Variants in SLC30A9 observed in about 807,000 individuals in gnomAD.
The protein encoded by SLC30A9 is proton-coupled zinc antiporter SLC30A9, mitochondrial.
A neutral mutation model predicts 87.5 loss-of-function variants in SLC30A9; 58 were observed. The ratio of observed to expected loss-of-function variants is 0.66; its 90% CI spans 0.54 to 0.82. The LOEUF is 0.82. Among genes scored for constraint, SLC30A9 ranks in the 40% least tolerant of loss-of-function variants. The pLI is 0.00. For synonymous variants in SLC30A9, 234 were observed against 233.0 expected, an observed-to-expected ratio of 1.00 and a Z score of -0.04; for missense variants, 557 against 679.1, an observed-to-expected ratio of 0.82 and a Z score of 2.00.
chr4:42,035,454 A>T, intron 7 of SLC30A9, 121 bp downstream of exon 7: 1 of 1,080,536 alleles, frequency 9.3e-7, no homozygotes, highest in Non-Finnish European at 1.3e-6. Flanking sequence ...AGTACATTGT[A>T]GTTCACTGAA....
intron 1 of SLC30A9, among the ~76,000 whole-genome samples, chr4:41,991,507 C>T (rs1005892610): frequency 6.6e-6 from 1 of 152,210 alleles, no homozygotes; most frequent in Non-Finnish European, 1.5e-5. Context: ...TTTGCCGTAG[C>T]TTGACACACA....
intron 9 of SLC30A9, among the ~76,000 whole-genome samples, chr4:42,050,605 A>G (rs1220692595): frequency 6.6e-6 from 1 of 152,222 alleles, no homozygotes; most frequent in African/African-American, 2.4e-5. Flanking sequence ...TGGAATGATA[A>G]CCATGATAAA....
At chr4:42,012,238 A>T (rs1013800027) in intron 2 of SLC30A9, among the ~76,000 whole-genome samples, 1 of 152,178 alleles carries the variant, frequency 6.6e-6, no homozygotes, top group African/African-American at 2.4e-5. Context: ...AAATCAGAAT[A>T]CTATCAGCCT....
At position 41,998,490 on chromosome 4, in the gene SLC30A9, G is replaced by A. The variant is rs1232251258; in HGVS notation, c.110-3126G>A. 1.1e-4 allele frequency among the ~76,000 whole-genome samples: 16 copies of A among 150,962 alleles called. No individual in the cohort carries two copies. In the East Asian group the frequency reaches 3.1e-3, roughly 29 times the overall value. On this transcript the variant is annotated intron_variant, in intron 1 of 17. Coordinates refer to ENST00000264451, the MANE Select transcript of SLC30A9 (RefSeq NM_006345.4). Reference sequence around the variant, plus strand: ...TTTTTTTGTTTGTTTTTGAGATGGAGTTTTACACCGTCACCCTGGCTGGAA... The same window carrying A: ...TTTTTTTGTTTGTTTTTGAGATGGAATTTTACACCGTCACCCTGGCTGGAA...
intron 6 of SLC30A9, among the ~76,000 whole-genome samples, chr4:42,033,629 G>C (rs1279132399): frequency 6.6e-6 from 1 of 152,110 alleles, no homozygotes; most frequent in Non-Finnish European, 1.5e-5. Flanking sequence ...AGGCTGGAGT[G>C]CAGTGGCACG....
chr4:41,992,971 A>G (rs1408145518), intron 1 of SLC30A9, among the ~76,000 whole-genome samples: 1 of 152,086 alleles, frequency 6.6e-6, no homozygotes, highest in Non-Finnish European at 1.5e-5. Flanking sequence ...ATAAAGCATA[A>G]GGAGAGGAGG....
At chr4:42,048,145 G>T (rs1442343566) in intron 8 of SLC30A9, among the ~76,000 whole-genome samples, 1 of 152,104 alleles carries the variant, frequency 6.6e-6, no homozygotes, top group African/African-American at 2.4e-5. Flanking sequence ...GTTGATGGGT[G>T]CAGCAAACCA....
intron 2 of SLC30A9, among the ~76,000 whole-genome samples, chr4:42,010,607 A>G (rs554136422): frequency 6.6e-6 from 1 of 152,342 alleles, no homozygotes; most frequent in African/African-American, 2.4e-5. Flanking sequence ...TTTTATTTCA[A>G]ATAGGGCTTT....
chr4:42,002,565 A>G (rs561949954), intron 2 of SLC30A9, among the ~76,000 whole-genome samples: 2 of 152,144 alleles, frequency 1.3e-5, no homozygotes, highest in East Asian at 3.9e-4. Context: ...GCTTAGGATA[A>G]TGGCCTCTAG....
At chr4:41,996,206 C>T (rs964032369) in intron 1 of SLC30A9, among the ~76,000 whole-genome samples, 1 of 152,010 alleles carries the variant, frequency 6.6e-6, no homozygotes, top group African/African-American at 2.4e-5. Flanking sequence ...AGCAATTCTC[C>T]TGCCTCAGCC....
intron 2 of SLC30A9, among the ~76,000 whole-genome samples, chr4:42,005,360 G>T (rs1715157163): frequency 6.6e-6 from 1 of 152,200 alleles, no homozygotes. Context: ...AATTCAGACT[G>T]TAACTTGTGT....
Position 42,004,812 on chromosome 4 carries a change from C to T in SLC30A9, c.274+3032C>T, listed in dbSNP as rs76928224. Among the ~76,000 whole-genome samples the T allele has an allele frequency of 1.0e-2, 1,513 of 151,696 alleles. 28 individuals are homozygous for T. The highest frequency in any genetic ancestry group is 0.035 in the African/African-American group (1,447 of 41,402). ...GAAAACAGGTGTGTGCTGCCACGCC[C>T]AGCTAATTTATTTTTATATTTTGTA... On this transcript the variant is annotated intron_variant, in intron 2 of 17. Coordinates refer to ENST00000264451, the MANE Select transcript of SLC30A9 (RefSeq NM_006345.4).
At chr4:42,016,520 G>A (rs913481885) in intron 2 of SLC30A9, among the ~76,000 whole-genome samples, 1 of 151,914 alleles carries the variant, frequency 6.6e-6, no homozygotes, top group Admixed American at 6.6e-5. Context: ...TGTGAACTTC[G>A]TTGTGATAGC....
chr4:42,087,372 G>C lies in SLC30A9; in HGVS notation c.*1246G>C, dbSNP rs1358881456. 1.3e-5 allele frequency: 2 copies of C among 152,154 alleles called. No individual in the cohort carries two copies. Among genetic ancestry groups the C allele is most frequent in the African/African-American group, 4.8e-5 (2 of 41,430 alleles). 9.4% of individuals were successfully genotyped at this position (152,154 alleles called of 1,614,324 possible). ...CATTGTTCATATGAGAATGGCGGCT[G>C]GGTGATCTCTTTGCTGAATTAATGA... On this transcript the variant is annotated 3_prime_UTR_variant, in exon 18 of 18. Transcript: ENST00000264451.
At position 42,066,531 on chromosome 4, in the gene SLC30A9, A is replaced by G; in HGVS notation, c.1073-19A>G. 6.4e-7 allele frequency: 1 copy of G among 1,564,370 alleles called. No individual in the cohort carries two copies. Among genetic ancestry groups the G allele is most frequent in the Non-Finnish European group, 8.7e-7 (1 of 1,144,064 alleles). ...GGCATGAAGTTTCTGTCTTGCTGAT[A>G]TGAATGCTTTTCTTTTAGCAACACT... is the stretch of plus-strand genomic sequence containing the variant. On this transcript the variant is annotated intron_variant, in intron 12 of 17. Transcript: ENST00000264451.
chr4:41,992,842 A>T (rs1714512460), intron 1 of SLC30A9, among the ~76,000 whole-genome samples: 1 of 152,210 alleles, frequency 6.6e-6, no homozygotes, highest in Non-Finnish European at 1.5e-5. Flanking sequence ...AATTGGATGC[A>T]TGTGAGAAGA....
intron 6 of SLC30A9, chr4:42,029,278 T>A: frequency 6.5e-6 from 3 of 460,896 alleles, no homozygotes; most frequent in South Asian, 1.8e-5. Flanking sequence ...GAAGAAGGAG[T>A]TTTTAGGCAG....
intron 1 of SLC30A9, among the ~76,000 whole-genome samples, chr4:41,998,350 TAA>T (rs968508374): frequency 2.0e-5 from 3 of 152,174 alleles, no homozygotes; most frequent in Admixed American, 6.5e-5. Context: ...AGTGCCAGAG[TAA>T]AGACTTCGAT....
At chr4:42,046,393 G>C (rs1335323966) in intron 8 of SLC30A9, among the ~76,000 whole-genome samples, 1 of 152,162 alleles carries the variant, frequency 6.6e-6, no homozygotes, top group Admixed American at 6.6e-5. Flanking sequence ...AAAGTCTCAG[G>C]ATACAAAATC....
Sources: allele counts gnomAD v4.1 joint callset (sites outside exome capture counted in the v4.1 genomes callset), GRCh38; gene constraint gnomAD v4.1.1; transcripts MANE v1.5; gene names NCBI Gene and HGNC (gene_info 2026-07-23, HGNC 2026-07-21).